Variants in SVOP observed in about 807,000 individuals in gnomAD.
SVOP encodes the protein synaptic vesicle 2-related protein.
Under a neutral mutation model 69.1 loss-of-function variants are expected in SVOP, and 17 were observed. The observed-to-expected ratio is 0.25, with a 90% CI of 0.17 to 0.37. The LOEUF (loss-of-function observed/expected upper bound fraction) is 0.37, where lower values mean the gene tolerates loss of function less well. Among genes scored for constraint, SVOP ranks in the 10% least tolerant of loss-of-function variants. The pLI, the probability that SVOP is intolerant of heterozygous loss-of-function variation, is 1.00. For synonymous variants in SVOP, 238 were observed against 238.6 expected (o/e 1.00, Z 0.02); for missense variants, 435 against 597.5 (o/e 0.73, Z 2.84).
intron 8 of SVOP, 38 bp downstream of exon 8, chr12:108,940,746 C>G: frequency 2.6e-6 from 4 of 1,530,478 alleles, no homozygotes; most frequent in Non-Finnish European, 2.6e-6. Flanking sequence ...AGTAAGATGT[C>G]AGACAGCAAA....
intron 1 of SVOP, among the ~76,000 whole-genome samples, chr12:109,018,137 G>C (rs200540344): frequency 9.3e-6 from 1 of 107,228 alleles, no homozygotes; most frequent in Non-Finnish European, 2.4e-5. Context: ...TGAATGAATC[G>C]ATCAATCAGT....
chr12:108,995,856 C>G (rs1416503306), intron 1 of SVOP, among the ~76,000 whole-genome samples: 2 of 151,126 alleles, frequency 1.3e-5, no homozygotes, highest in African/African-American at 4.9e-5. Flanking sequence ...GAGCTGAGAT[C>G]GCACCACTGC....
At chr12:108,963,961 A>G (rs566058345) in intron 5 of SVOP, among the ~76,000 whole-genome samples, 98 of 152,334 alleles carry the variant, frequency 6.4e-4, no homozygotes, top group Admixed American at 1.4e-3. Flanking sequence ...TGATCTTCCA[A>G]TTAAGACTGT....
At chr12:108,944,020 T>G (rs2039908562) in intron 7 of SVOP, among the ~76,000 whole-genome samples, 1 of 152,024 alleles carries the variant, frequency 6.6e-6, no homozygotes, top group Non-Finnish European at 1.5e-5. Flanking sequence ...TAGCTGGTAT[T>G]ACAGCCCACC....
At chr12:108,966,381 AG>A (rs1319957383) in intron 5 of SVOP, among the ~76,000 whole-genome samples, 4 of 152,234 alleles carry the variant, frequency 2.6e-5, no homozygotes, top group African/African-American at 9.6e-5. Flanking sequence ...ACAAACTCCC[AG>A]GTGGTAGAAA....
At chr12:108,984,023 T>C (rs1309479208) in intron 1 of SVOP, among the ~76,000 whole-genome samples, 2 of 152,234 alleles carry the variant, frequency 1.3e-5, no homozygotes, top group African/African-American at 4.8e-5. Flanking sequence ...AAGTAGGTTA[T>C]GTGATTGAGG....
intron 11 of SVOP, among the ~76,000 whole-genome samples, chr12:108,931,184 T>G (rs918968875): frequency 6.6e-6 from 1 of 152,166 alleles, no homozygotes; most frequent in Non-Finnish European, 1.5e-5. Context: ...CACAGTGAGA[T>G]GGGACTCCAC....
Position 108,956,493 on chromosome 12 carries a change from C to A in SVOP, c.578+4430G>T, listed in dbSNP as rs142073601. Among the ~76,000 whole-genome samples the A allele has an allele frequency of 1.2e-4, 18 of 152,208 alleles. No homozygotes were observed. In the East Asian group the frequency reaches 2.9e-3, roughly 25 times the overall value. On this transcript the variant is annotated intron_variant, in intron 6 of 15. Transcript: ENST00000610966. ...GCTGCTTGTGCTGCCAAAGAGCCAG[C>A]CTGCCCGCAACAGAGACCAACATGG...
At chr12:108,917,492 A>G (rs1337474521) in intron 14 of SVOP, among the ~76,000 whole-genome samples, 1 of 152,234 alleles carries the variant, frequency 6.6e-6, no homozygotes, top group Non-Finnish European at 1.5e-5. Flanking sequence ...TTTGGAATGT[A>G]TCTTCCCAGA....
chr12:108,922,838 G>A, intron 11 of SVOP, 41 bp from the exon 12 acceptor site: 1 of 1,427,594 alleles, frequency 7.0e-7, no homozygotes, highest in Non-Finnish European at 9.7e-7. Context: ...GACATATACA[G>A]AGTCTTGAAT....
rs1338390743 is a variant in SVOP, at chr12:108,937,256, G to T, written c.971+8C>A. 11 of 1,613,862 alleles carry T rather than the reference G, an allele frequency of 6.8e-6. No homozygotes were observed. Among genetic ancestry groups the T allele is most frequent in the African/African-American group, 6.7e-5 (5 of 75,036 alleles). ...AAGGGGTCAAAGTGGTCAACAAACA[G>T]CTCTTACCATATAAACCACAGCAGC... On this transcript the variant is annotated splice_region_variant and intron_variant, in intron 10 of 15. Transcript: ENST00000610966.
intron 1 of SVOP, among the ~76,000 whole-genome samples, chr12:108,988,009 C>T (rs1163914240): frequency 6.6e-6 from 1 of 152,164 alleles, no homozygotes; most frequent in Non-Finnish European, 1.5e-5. Flanking sequence ...GCAGCCTCGA[C>T]CTCCTGGGCT....
intron 1 of SVOP, among the ~76,000 whole-genome samples, chr12:108,994,467 C>G (rs762508956): frequency 6.6e-6 from 1 of 152,182 alleles, no homozygotes; most frequent in Non-Finnish European, 1.5e-5. Flanking sequence ...GCACTCCAGC[C>G]TGGGTGACAT....
At chr12:109,016,171 T>C (rs1378654527) in intron 1 of SVOP, among the ~76,000 whole-genome samples, 9 of 152,210 alleles carry the variant, frequency 5.9e-5, no homozygotes, top group Admixed American at 5.9e-4. Context: ...ACAACAGCCC[T>C]GCAGGTATTA....
At chr12:108,961,953 T>C (rs2137423241) in intron 5 of SVOP, among the ~76,000 whole-genome samples, 1 of 152,340 alleles carries the variant, frequency 6.6e-6, no homozygotes, top group East Asian at 1.9e-4. Context: ...AAAGTATAAC[T>C]GTACTGAGTG....
intron 14 of SVOP, among the ~76,000 whole-genome samples, chr12:108,917,545 A>C (rs1415779248): frequency 8.2e-6 from 1 of 122,402 alleles, no homozygotes; most frequent in Non-Finnish European, 1.7e-5. Context: ...AGTAAAATAC[A>C]TAAATGGTAT....
At chr12:109,020,763 C>CCCT in intron 1 of SVOP, 71 bp downstream of exon 1, 1 of 392,570 alleles carries the variant, frequency 2.5e-6, no homozygotes, top group Non-Finnish European at 5.0e-6. Flanking sequence ...TACCCCCCCC[C>CCCT]ACCCCCCTTG....
At chr12:108,943,475 T>C (rs922600825) in intron 7 of SVOP, among the ~76,000 whole-genome samples, 3 of 151,786 alleles carry the variant, frequency 2.0e-5, no homozygotes, top group Non-Finnish European at 4.4e-5. Flanking sequence ...GGTGGGCACC[T>C]GTAATCCCAG....
intron 1 of SVOP, among the ~76,000 whole-genome samples, chr12:109,000,879 G>A (rs1349121370): frequency 1.4e-5 from 2 of 140,662 alleles, no homozygotes; most frequent in Non-Finnish European, 3.1e-5. Context: ...AAAACTGGAA[G>A]CATTCCCTTT....
Sources: gnomAD v4.1 joint callset for allele counts (sites outside exome capture counted in the v4.1 genomes callset) on GRCh38, gnomAD v4.1.1 for gene constraint, MANE v1.5 for transcripts, NCBI Gene and HGNC (gene_info 2026-07-23, HGNC 2026-07-21) for gene names.